MAF: variants seen among roughly 807,000 people sequenced by gnomAD.
MAF encodes the protein transcription factor Maf.
Under a neutral mutation model 22.0 loss-of-function variants are expected in MAF, and 10 were observed. That is an observed-to-expected ratio of 0.45 (90% confidence interval 0.28 to 0.77). MAF has a LOEUF of 0.77. Among genes scored for constraint, MAF ranks in the 30% least tolerant of loss-of-function variants. The pLI is 0.12. For synonymous variants in MAF, 337 were observed against 255.8 expected, an observed-to-expected ratio of 1.32 and a Z score of -3.03; for missense variants, 544 against 548.4, an observed-to-expected ratio of 0.99 and a Z score of 0.08.
the MAF span, among the ~76,000 whole-genome samples, chr16:79,553,669 A>G: frequency 6.6e-6 from 1 of 152,238 alleles, no homozygotes; most frequent in Admixed American, 6.5e-5. Context: ...GAAGGCTGGA[A>G]GTTCTCAGTG....
chr16:79,222,037 G>C, the MAF span, among the ~76,000 whole-genome samples: 3 of 152,080 alleles, frequency 2.0e-5, no homozygotes, highest in Admixed American at 6.6e-5. Context: ...ATGTCTAACA[G>C]TTGGGGCGAA....
chr16:79,372,270 G>A, the MAF span, among the ~76,000 whole-genome samples: 1 of 151,976 alleles, frequency 6.6e-6, no homozygotes, highest in African/African-American at 2.4e-5. Context: ...AACTTGCTCA[G>A]AGCAAACAAG....
the MAF span, among the ~76,000 whole-genome samples, chr16:79,433,785 T>G: frequency 1.3e-5 from 2 of 152,090 alleles, no homozygotes; most frequent in South Asian, 4.2e-4. Flanking sequence ...AGGCTAGCGG[T>G]GTTTTAAAAA....
chr16:79,507,638 G>C, the MAF span, among the ~76,000 whole-genome samples: 1 of 151,754 alleles, frequency 6.6e-6, no homozygotes, highest in Non-Finnish European at 1.5e-5. Flanking sequence ...TGTTAGCCAG[G>C]ATGGTCTCGA....
chr16:79,435,169 C>T, the MAF span, among the ~76,000 whole-genome samples: 59 of 152,156 alleles, frequency 3.9e-4, no homozygotes, highest in African/African-American at 1.4e-3. Context: ...TACCTATGCA[C>T]GGACACACGT....
the MAF span, among the ~76,000 whole-genome samples, chr16:79,260,195 G>A: frequency 3.2e-4 from 49 of 152,336 alleles, no homozygotes; most frequent in Middle Eastern, 0.01. Flanking sequence ...CTGTTGCCCA[G>A]GCTGGAGTGC....
At chr16:79,460,570 T>TA in the MAF span, among the ~76,000 whole-genome samples, 1,552 of 152,264 alleles carry the variant, frequency 0.01, 54 homozygotes, top group East Asian at 0.091. Flanking sequence ...CAATTAGGGA[T>TA]AAAAAAATCC....
chr16:79,354,319 G>C, the MAF span, among the ~76,000 whole-genome samples: 1 of 152,218 alleles, frequency 6.6e-6, no homozygotes, highest in Middle Eastern at 3.4e-3. Flanking sequence ...TCAGTGGAAG[G>C]TCAGGGATGC....
At chr16:79,578,590 A>G in the MAF span, among the ~76,000 whole-genome samples, 1 of 152,194 alleles carries the variant, frequency 6.6e-6, no homozygotes, top group Non-Finnish European at 1.5e-5. Flanking sequence ...TGAGAAAACT[A>G]CAAGACTCCC....
the MAF span, among the ~76,000 whole-genome samples, chr16:79,539,783 T>C: frequency 1.1e-4 from 16 of 152,314 alleles, no homozygotes; most frequent in Middle Eastern, 3.4e-3. Context: ...AAATGCAAGA[T>C]GCATGCCTTT....
chr16:79,565,948 G>A, the MAF span, among the ~76,000 whole-genome samples: 2 of 152,240 alleles, frequency 1.3e-5, no homozygotes, highest in East Asian at 3.9e-4. Context: ...AAACTGACAG[G>A]ACAAGGATTG....
the MAF span, among the ~76,000 whole-genome samples, chr16:79,468,500 G>C: frequency 5.3e-5 from 8 of 152,210 alleles, no homozygotes; most frequent in African/African-American, 1.9e-4. Flanking sequence ...CTTGCCTCAA[G>C]AATGTATTTT....
chr16:79,246,089 G>T, the MAF span, among the ~76,000 whole-genome samples: 6 of 152,128 alleles, frequency 3.9e-5, no homozygotes, highest in Non-Finnish European at 8.8e-5. Flanking sequence ...GATAGCATTA[G>T]GAGAAATACC....
the MAF span, among the ~76,000 whole-genome samples, chr16:79,413,210 G>GTTTTTTTTTTTTT: frequency 9.4e-5 from 6 of 63,640 alleles, 1 homozygote; most frequent in Non-Finnish European, 1.2e-4. Context: ...GAGCTGTGCA[G>GTTTTTTTTTTTTT]TTTTTTTTTT....
chr16:79,555,921 T>A, the MAF span, among the ~76,000 whole-genome samples: 1 of 152,182 alleles, frequency 6.6e-6, no homozygotes, highest in Non-Finnish European at 1.5e-5. Flanking sequence ...AACATAGATG[T>A]AGATAACTGC....
the MAF span, among the ~76,000 whole-genome samples, chr16:79,207,462 C>G: frequency 2.0e-4 from 30 of 152,370 alleles, no homozygotes; most frequent in East Asian, 5.8e-3. Flanking sequence ...CCTAATCTAA[C>G]TTCCAGGGTT....
the MAF span, chr16:79,212,144 G>T: frequency 4.0e-6 from 6 of 1,516,766 alleles, no homozygotes; most frequent in South Asian, 6.2e-5. Context: ...AGGTCCCCTC[G>T]TCCCATCCAG....
chr16:79,368,039 C>T, the MAF span, among the ~76,000 whole-genome samples: 12 of 152,294 alleles, frequency 7.9e-5, no homozygotes, highest in Middle Eastern at 3.4e-3. Context: ...CCTGGCTGAA[C>T]AGCTCCCTGA....
the MAF span, among the ~76,000 whole-genome samples, chr16:79,412,597 C>T: frequency 6.6e-6 from 1 of 152,204 alleles, no homozygotes; most frequent in Non-Finnish European, 1.5e-5. Flanking sequence ...CACAGCACCT[C>T]CCTCTCAAGT....
Sources: gnomAD v4.1 joint callset for allele counts (sites outside exome capture counted in the v4.1 genomes callset) on GRCh38, gnomAD v4.1.1 for gene constraint, MANE v1.5 for transcripts, NCBI Gene and HGNC (gene_info 2026-07-23, HGNC 2026-07-21) for gene names.